Variants in SCRG1 observed in about 807,000 individuals in gnomAD.
SCRG1 encodes scrapie-responsive protein 1.
SCRG1 carries 3 observed loss-of-function variants against 7.7 expected under a neutral mutation model. The ratio of observed to expected loss-of-function variants is 0.39; its 90% confidence interval spans 0.18 to 1.01. The LOEUF (loss-of-function observed/expected upper bound fraction) is 1.01, where lower values mean the gene tolerates loss of function less well. SCRG1 is among the 50% of genes least tolerant of loss of function. The pLI, the probability that SCRG1 is intolerant of heterozygous loss-of-function variation, is 0.36. For synonymous variants in SCRG1, 46 were observed against 41.2 expected (o/e 1.12, Z -0.44); for missense variants, 110 against 117.2 (o/e 0.94, Z 0.28).
chr4:173,388,657 CA>C (rs1461565772), intron 2 of SCRG1, among the ~76,000 whole-genome samples: 1 of 152,128 alleles, frequency 6.6e-6, no homozygotes, highest in African/African-American at 2.4e-5. Flanking sequence ...TAGGTAATTT[CA>C]AAACTTTATG....
the SCRG1 span, among the ~76,000 whole-genome samples, chr4:173,496,934 G>A: frequency 2.0e-5 from 3 of 151,898 alleles, no homozygotes; most frequent in Non-Finnish European, 2.9e-5. Flanking sequence ...GTGAAACCCC[G>A]TCTCTACTAA....
chr4:173,514,096 G>A, the SCRG1 span, among the ~76,000 whole-genome samples: 1 of 152,146 alleles, frequency 6.6e-6, no homozygotes, highest in East Asian at 1.9e-4. Flanking sequence ...TTTCTGTTTT[G>A]CTCAATGGGT....
chr4:173,389,343 A>G (rs185238779), intron 2 of SCRG1, among the ~76,000 whole-genome samples: 1,681 of 152,028 alleles, frequency 0.011, 19 homozygotes, highest in South Asian at 0.023. Flanking sequence ...GACCATCCTG[A>G]CCAACACGGT....
the SCRG1 span, among the ~76,000 whole-genome samples, chr4:173,457,373 C>T: frequency 2.0e-5 from 3 of 152,192 alleles, no homozygotes; most frequent in South Asian, 6.2e-4. Context: ...AGGATATTCT[C>T]ACATTTCAGA....
the SCRG1 span, among the ~76,000 whole-genome samples, chr4:173,427,532 TG>T: frequency 6.6e-6 from 1 of 152,200 alleles, no homozygotes; most frequent in Non-Finnish European, 1.5e-5. Context: ...GCCGTGATCT[TG>T]AGATAATAAT....
chr4:173,440,385 A>G, the SCRG1 span, among the ~76,000 whole-genome samples: 1 of 152,238 alleles, frequency 6.6e-6, no homozygotes, highest in Non-Finnish European at 1.5e-5. Flanking sequence ...GTTAGTGGGA[A>G]TTTGAAATTT....
the SCRG1 span, among the ~76,000 whole-genome samples, chr4:173,421,416 T>TTG: frequency 0.52 from 75,868 of 146,672 alleles, 19,707 homozygotes; most frequent in East Asian, 0.62. Flanking sequence ...TTTAGTTTGT[T>TTG]GGGGGGGGGT....
chr4:173,476,363 A>AAAAAAAATATATAT, the SCRG1 span, among the ~76,000 whole-genome samples: 1 of 98,506 alleles, frequency 1.0e-5, no homozygotes, highest in Non-Finnish European at 2.3e-5. Flanking sequence ...GGAAAAAAAA[A>AAAAAAAATATATAT]ATATATATAT....
chr4:173,398,514 G>GT (rs2126920054), intron 1 of SCRG1: 1 of 152,308 alleles, frequency 6.6e-6, no homozygotes, highest in East Asian at 1.9e-4. Flanking sequence ...TATATTAGCA[G>GT]TACAGACACT....
At chr4:173,431,460 C>G in the SCRG1 span, among the ~76,000 whole-genome samples, 1 of 152,196 alleles carries the variant, frequency 6.6e-6, no homozygotes, top group Non-Finnish European at 1.5e-5. Flanking sequence ...GTGGTGTGTA[C>G]TCTAAGGCAA....
the SCRG1 span, among the ~76,000 whole-genome samples, chr4:173,432,942 A>G: frequency 7.1e-4 from 108 of 152,334 alleles, no homozygotes; most frequent in Non-Finnish European, 1.1e-3. Flanking sequence ...TCTGAGGATT[A>G]CATGAGGAAT....
chr4:173,449,327 T>A, the SCRG1 span, among the ~76,000 whole-genome samples: 1 of 152,152 alleles, frequency 6.6e-6, no homozygotes, highest in Non-Finnish European at 1.5e-5. Flanking sequence ...TCCTTTGTAG[T>A]CAAGGATGAT....
the SCRG1 span, among the ~76,000 whole-genome samples, chr4:173,496,986 G>T: frequency 6.6e-6 from 1 of 151,858 alleles, no homozygotes; most frequent in African/African-American, 2.4e-5. Context: ...GGCGCCTGTA[G>T]TCCCAGTTAC....
Position 173,388,030 on chromosome 4 carries a change from C to T in SCRG1, c.*311G>A. 1 of 250,086 alleles carries T rather than the reference C, an allele frequency of 4.0e-6. No individual in the cohort carries two copies. Among genetic ancestry groups the T allele is most frequent in the Non-Finnish European group, 7.5e-6 (1 of 133,096 alleles). The allele number at this position is 250,086 out of a possible 1,614,324, so 15.5% of individuals were successfully genotyped here. A position where few individuals can be genotyped will look rare whatever the true frequency, so the allele number is the denominator to read the frequency against. On this transcript the variant is annotated 3_prime_UTR_variant, in exon 3 of 3. Coordinates refer to ENST00000296506, the MANE Select transcript of SCRG1 (RefSeq NM_007281.4). ...GTCAACTAAGGACTGAAAGTATTTT[C>T]AATCCTTGAGCCATGCCTATGGCTC... is the stretch of plus-strand genomic sequence containing the variant.
chr4:173,489,413 G>A, the SCRG1 span, among the ~76,000 whole-genome samples: 2 of 152,142 alleles, frequency 1.3e-5, no homozygotes, highest in Non-Finnish European at 2.9e-5. Context: ...TTTGTCATAA[G>A]GAGAGCAATC....
At chr4:173,398,422 A>C (rs1382084639) in intron 1 of SCRG1, 2 of 152,154 alleles carry the variant, frequency 1.3e-5, no homozygotes, top group Non-Finnish European at 2.9e-5. Context: ...CATTTGGGAG[A>C]GCTTTTCATA....
the SCRG1 span, among the ~76,000 whole-genome samples, chr4:173,451,072 T>C: frequency 1.2e-4 from 18 of 152,078 alleles, no homozygotes; most frequent in Admixed American, 4.6e-4. Flanking sequence ...ATTTTTGAAG[T>C]CGTTTCTCCA....
chr4:173,417,165 G>C, the SCRG1 span, among the ~76,000 whole-genome samples: 1 of 151,790 alleles, frequency 6.6e-6, no homozygotes, highest in East Asian at 1.9e-4. Flanking sequence ...CACACACACA[G>C]AGCCTTTGTC....
At chr4:173,390,657 AT>A (rs1017795026) in intron 2 of SCRG1, among the ~76,000 whole-genome samples, 8 of 151,404 alleles carry the variant, frequency 5.3e-5, no homozygotes, top group Admixed American at 2.6e-4. Flanking sequence ...TTTTTTTTGT[AT>A]TTTGTATTTT....
Sources: gnomAD v4.1 joint callset for allele counts (sites outside exome capture counted in the v4.1 genomes callset) on GRCh38, gnomAD v4.1.1 for gene constraint, MANE v1.5 for transcripts, NCBI Gene and HGNC (gene_info 2026-07-23, HGNC 2026-07-21) for gene names.